The following AOX1 variants were observed in gnomAD, a reference collection of about 807,000 sequenced individuals.
The protein encoded by AOX1 is aldehyde oxidase 1, also known as aldehyde oxidase.
AOX1 carries 153 observed loss-of-function variants against 169.5 expected under a neutral mutation model. The ratio of observed to expected loss-of-function variants is 0.90; its 90% confidence interval spans 0.79 to 1.03. The LOEUF is 1.03. Among genes scored for constraint, AOX1 ranks in the 50% least tolerant of loss-of-function variants. The pLI is 0.00. For missense variants in AOX1, 1,656 were observed against 1,663.9 expected (o/e 1.00, Z 0.08); for synonymous variants, 562 against 581.9 (o/e 0.97, Z 0.49).
chr2:200,605,817 C>A (rs2034504384), intron 10 of AOX1, among the ~76,000 whole-genome samples, 189 bp downstream of exon 10: 1 of 152,108 alleles, frequency 6.6e-6, no homozygotes. Flanking sequence ...ATATCCTTTG[C>A]CCATTTTTTG....
intron 19 of AOX1, among the ~76,000 whole-genome samples, 189 bp downstream of exon 19, chr2:200,624,172 T>G (rs1268863685): frequency 6.6e-6 from 1 of 152,220 alleles, no homozygotes; most frequent in Non-Finnish European, 1.5e-5. Context: ...GCCACTCTTC[T>G]CTGCTGCCCA....
intron 14 of AOX1, among the ~76,000 whole-genome samples, 157 bp downstream of exon 14, chr2:200,612,950 C>T (rs2034671345): frequency 6.6e-6 from 1 of 151,376 alleles, no homozygotes; most frequent in Non-Finnish European, 1.5e-5. Flanking sequence ...GTTATTATTT[C>T]CATATGTCTT....
At chr2:200,670,563 T>C (rs1355259767) in intron 34 of AOX1, 66 bp from the exon 35 acceptor site, 1 of 1,402,058 alleles carries the variant, frequency 7.1e-7, no homozygotes, top group Non-Finnish European at 1.0e-6. Flanking sequence ...CTTTATGTTC[T>C]TCTATTTTTC....
intron 7 of AOX1, 79 bp downstream of exon 7, chr2:200,603,435 G>T (rs1383604733): frequency 1.2e-5 from 14 of 1,140,588 alleles, no homozygotes; most frequent in Non-Finnish European, 1.7e-5. Context: ...AGAACAAATG[G>T]CTACCCAAGT....
chr2:200,608,771 A>G (rs1574917277), intron 10 of AOX1, among the ~76,000 whole-genome samples: 1 of 151,842 alleles, frequency 6.6e-6, no homozygotes. Flanking sequence ...CACCCCCTCA[A>G]CTGCTATCCC....
chr2:200,604,975 G>A, intron 9 of AOX1, 135 bp downstream of exon 9: 1 of 774,118 alleles, frequency 1.3e-6, no homozygotes, highest in Non-Finnish European at 2.1e-6. Flanking sequence ...TTAATCATTT[G>A]AGCTAGACTT....
rs180818315 is a variant in AOX1, at chr2:200,625,639, C to A, written c.2124+1656C>A. Among the ~76,000 whole-genome samples, 280 of 152,334 alleles carry A rather than the reference C, an allele frequency of 1.8e-3. 2 individuals carry two copies. Among genetic ancestry groups the A allele is most frequent in the Non-Finnish European group, 2.2e-3 (152 of 68,026 alleles). The stretch of plus-strand genomic sequence containing the variant: ...GCCCCTCTCCCTATACATTACAGTT[C>A]TTTTATCACTTTCCTGACTAAGAAA... On this transcript the variant is annotated intron_variant, in intron 19 of 34. Transcript: ENST00000374700.
At chr2:200,649,759 C>T (rs1194105095) in intron 25 of AOX1, among the ~76,000 whole-genome samples, 1 of 152,136 alleles carries the variant, frequency 6.6e-6, no homozygotes, top group African/African-American at 2.4e-5. Flanking sequence ...TCTCTCAGCC[C>T]CTTCTCCTCC....
At position 200,621,125 on chromosome 2, in the gene AOX1, T is replaced by G. The variant is rs146219485; in HGVS notation, c.1880T>G (p.Ile627Ser). ...CTGCTGTGTATATCATCTAGGTCTATTGATCTGTCAGAAGCTCTCAGCATG... is the reference window on the plus strand; with the variant it reads ...CTGCTGTGTATATCATCTAGGTCTAGTGATCTGTCAGAAGCTCTCAGCATG... ...SSRAHAKIVS[I>S]DLSEALSMPG... Residue 627 changes from isoleucine to serine, a missense_variant, in exon 18 of 35, where the codon ATT becomes AGT. Coordinates refer to ENST00000374700, the MANE Select transcript of AOX1 (RefSeq NM_001159.4). The G allele has an allele frequency of 3.7e-6, 6 of 1,613,254 alleles. No homozygotes were observed. The highest frequency in any genetic ancestry group is 4.2e-6 in the Non-Finnish European group (5 of 1,179,856).
intron 5 of AOX1, 99 bp downstream of exon 5, chr2:200,599,845 C>A: frequency 9.9e-7 from 1 of 1,010,826 alleles, no homozygotes. Flanking sequence ...AGGGCGGCGG[C>A]GCAATCTTGG....
Position 200,612,612 on chromosome 2 carries a change from G to A in AOX1, c.1267G>A (p.Glu423Lys), listed in dbSNP as rs757078814. Residue 423 changes from glutamate to lysine, a missense_variant, in exon 14 of 35, where the codon GAA becomes AAA. Transcript: ENST00000374700. The part of the protein sequence containing the change: ...SVNIPYSRKW[E>K]FVSAFRQAQR... The stretch of plus-strand genomic sequence containing the variant: ...GCCACTTAACTGTTTCTTTCAGTGG[G>A]AATTTGTGTCAGCCTTCCGACAAGC... 6.2e-7 allele frequency: 1 copy of A among 1,613,316 alleles called. No individual in the cohort carries two copies. The highest frequency in any genetic ancestry group is 1.7e-5 in the Admixed American group (1 of 59,994).
At chr2:200,630,473 A>C (rs1443631513) in intron 20 of AOX1, among the ~76,000 whole-genome samples, 2 of 151,554 alleles carry the variant, frequency 1.3e-5, no homozygotes, top group African/African-American at 4.8e-5. Context: ...CAGTGAGACA[A>C]GATCAGGCCA....
At chr2:200,666,306 C>T (rs1168377762) in intron 31 of AOX1, among the ~76,000 whole-genome samples, 1 of 152,150 alleles carries the variant, frequency 6.6e-6, no homozygotes, top group Non-Finnish European at 1.5e-5. Flanking sequence ...TGGTTGTATG[C>T]TAGCCATTAA....
Position 200,586,129 on chromosome 2 carries a change from G to C in AOX1, c.21G>C (p.Leu7=), listed in dbSNP as rs748745189. ...CCACAATGGACCGGGCGTCCGAGCT[G>C]CTCTTCTACGTGAACGGCCGCAAGG... MDRASE[L]LFYVNGRKVI... is the part of the protein sequence containing the mutation. The change falls in exon 1 of 35, where the codon CTG becomes CTC. Residue 7 remains leucine (L), a synonymous_variant. Transcript: ENST00000374700. 4.5e-6 allele frequency: 7 copies of C among 1,566,144 alleles called. No homozygotes were observed. The highest frequency in any genetic ancestry group is 5.2e-6 in the Non-Finnish European group (6 of 1,156,602).
intron 5 of AOX1, among the ~76,000 whole-genome samples, chr2:200,600,474 GC>G (rs200040847): frequency 4.7e-4 from 42 of 88,576 alleles, no homozygotes; most frequent in Non-Finnish European, 7.1e-4. Flanking sequence ...TGTGTATGTG[GC>G]GGGGGGGGAC....
intron 19 of AOX1, among the ~76,000 whole-genome samples, chr2:200,626,332 T>A (rs993468849): frequency 3.9e-5 from 6 of 152,164 alleles, no homozygotes; most frequent in Non-Finnish European, 8.8e-5. Flanking sequence ...CCCATCCCTC[T>A]AAGGGGTGTT....
At chr2:200,638,696 G>T (rs993921351) in intron 23 of AOX1, among the ~76,000 whole-genome samples, 1 of 152,108 alleles carries the variant, frequency 6.6e-6, no homozygotes, top group Non-Finnish European at 1.5e-5. Context: ...TTGTAAATGG[G>T]TTCCTCATTC....
chr2:200,679,114 C>A (rs2036133024), downstream of AOX1, among the ~76,000 whole-genome samples: 1 of 152,168 alleles, frequency 6.6e-6, no homozygotes, highest in Non-Finnish European at 1.5e-5. Context: ...GTAGTAGACT[C>A]TTTATTTTTA....
chr2:200,636,217 C>T (rs926784575), intron 21 of AOX1, among the ~76,000 whole-genome samples: 6 of 146,068 alleles, frequency 4.1e-5, no homozygotes, highest in Non-Finnish European at 5.9e-5. Flanking sequence ...CAACCTCTGC[C>T]TTTCAGGTTC....
Sources: allele counts gnomAD v4.1 joint callset (sites outside exome capture counted in the v4.1 genomes callset), GRCh38; gene constraint gnomAD v4.1.1; transcripts MANE v1.5; gene names NCBI Gene and HGNC (gene_info 2026-07-23, HGNC 2026-07-21).